Variants in ADCY2 observed in about 807,000 individuals in gnomAD.
ADCY2 encodes the protein adenylate cyclase 2, also known as adenylate cyclase type 2.
Under a neutral mutation model 125.2 loss-of-function variants are expected in ADCY2, and 31 were observed. The ratio of observed to expected loss-of-function variants is 0.25; its 90% CI spans 0.19 to 0.33. The LOEUF (loss-of-function observed/expected upper bound fraction) is 0.33. ADCY2 is among the 10% of genes least tolerant of loss of function. ADCY2 has a pLI of 1.00. For missense variants in ADCY2, 904 were observed against 1,418.2 expected (o/e 0.64, Z 5.82); for synonymous variants, 512 against 548.4 (o/e 0.93, Z 0.93).
intron 18 of ADCY2, among the ~76,000 whole-genome samples, chr5:7,783,155 T>C (rs1412814050): frequency 6.6e-6 from 1 of 152,218 alleles, no homozygotes. Flanking sequence ...TGAGTCTTTC[T>C]TTCTGTTAAT....
chr5:7,533,468 T>G lies in ADCY2; in HGVS notation c.570+12569T>G, dbSNP rs552922563. ...ATTTATTATTTTTATTGTTTTACCA[T>G]TTTTATCTTGATTTTTTAATTAATG... On this transcript the variant is annotated intron_variant, in intron 3 of 24. Transcript: ENST00000338316. 5.9e-5 allele frequency among the ~76,000 whole-genome samples: 9 copies of G among 152,252 alleles called. No individual in the cohort carries two copies. In the South Asian group the frequency reaches 1.7e-3, roughly 28 times the overall value.
chr5:7,621,827 G>A (rs1450906932), intron 3 of ADCY2, among the ~76,000 whole-genome samples: 1 of 152,168 alleles, frequency 6.6e-6, no homozygotes, highest in Non-Finnish European at 1.5e-5. Context: ...ATCAAGAGAT[G>A]ATGGGGTGCA....
chr5:7,734,731 C>T (rs946874231), intron 14 of ADCY2, among the ~76,000 whole-genome samples: 5 of 152,174 alleles, frequency 3.3e-5, no homozygotes, highest in African/African-American at 9.7e-5. Flanking sequence ...CTTTGTCTCA[C>T]AGTATTTGTT....
chr5:7,563,763 A>G (rs1735802906), intron 3 of ADCY2, among the ~76,000 whole-genome samples: 2 of 152,162 alleles, frequency 1.3e-5, no homozygotes, highest in African/African-American at 4.8e-5. Flanking sequence ...TTTACTTTCT[A>G]TCTTAAAACG....
At chr5:7,741,473 A>G (rs2126427334) in intron 14 of ADCY2, among the ~76,000 whole-genome samples, 1 of 148,148 alleles carries the variant, frequency 6.8e-6, no homozygotes, top group Non-Finnish European at 1.5e-5. Context: ...CATAGTGAAT[A>G]CTCTATAGAT....
At chr5:7,806,106 T>C (rs969717264) in intron 22 of ADCY2, among the ~76,000 whole-genome samples, 1 of 152,224 alleles carries the variant, frequency 6.6e-6, no homozygotes, top group Admixed American at 6.5e-5. Flanking sequence ...AGATTTTTAA[T>C]GGTTAGGGTT....
intron 3 of ADCY2, among the ~76,000 whole-genome samples, chr5:7,600,314 G>A (rs1737156609): frequency 6.6e-6 from 1 of 152,208 alleles, no homozygotes; most frequent in Non-Finnish European, 1.5e-5. Context: ...GAAGGGTGTT[G>A]GGTCAAGGTG....
chr5:7,400,589 TG>T (rs1013671537), intron 1 of ADCY2, among the ~76,000 whole-genome samples: 1 of 152,176 alleles, frequency 6.6e-6, no homozygotes, highest in Non-Finnish European at 1.5e-5. Context: ...CCTCCTTCCT[TG>T]GGGGTTGAAG....
chr5:7,709,380 G>C lies in ADCY2; in HGVS notation c.1571G>C (p.Ser524Thr), dbSNP rs1429064711. 1 of 1,596,980 alleles carries C rather than the reference G, an allele frequency of 6.3e-7. No individual in the cohort carries two copies. Among genetic ancestry groups the C allele is most frequent in the Non-Finnish European group, 8.5e-7 (1 of 1,171,946 alleles). The change falls in exon 10 of 25, where the codon AGC becomes ACC. Residue 524 changes from serine (S) to threonine (T), a missense_variant. By Grantham distance (58) the Ser-to-Thr change is moderately conservative. This residue lies in a region of ADCY2 where 144 missense variants were observed against 227.7 expected (regional missense o/e 0.63). Coordinates refer to ENST00000338316, the MANE Select transcript of ADCY2 (RefSeq NM_020546.3). This position sits in a 1 kb window ranked among gnomAD's most constrained non-coding sequence, Gnocchi z 4.4. ...ATGACCACAGAGAACGGCAAGATCAGCACCACGGTATGCCCTCCCCTGCCT... is the reference window on the plus strand; with the variant it reads ...ATGACCACAGAGAACGGCAAGATCACCACCACGGTATGCCCTCCCCTGCCT... ...DSMTTENGKI[S>T]TTDVPMGQHN...
At chr5:7,766,254 C>T (rs1743373727) in intron 16 of ADCY2, among the ~76,000 whole-genome samples, 1 of 152,062 alleles carries the variant, frequency 6.6e-6, no homozygotes, top group Non-Finnish European at 1.5e-5. Flanking sequence ...ATCAAAAATT[C>T]ATAGGACTGT....
At chr5:7,443,592 A>G (rs1741095153) in intron 2 of ADCY2, among the ~76,000 whole-genome samples, 1 of 134,626 alleles carries the variant, frequency 7.4e-6, no homozygotes. Context: ...GTGAGCCGAG[A>G]TCACGCCACT....
At chr5:7,471,323 G>T (rs182565800) in intron 2 of ADCY2, among the ~76,000 whole-genome samples, 4 of 151,760 alleles carry the variant, frequency 2.6e-5, no homozygotes, top group Admixed American at 2.6e-4. Context: ...TGTTCGTTTG[G>T]CATTTAAAAG....
intron 2 of ADCY2, among the ~76,000 whole-genome samples, chr5:7,466,756 G>A (rs2126449106): frequency 6.6e-6 from 1 of 152,192 alleles, no homozygotes; most frequent in East Asian, 1.9e-4. Context: ...AATTGAATCA[G>A]GGCCAACTGT....
intron 2 of ADCY2, among the ~76,000 whole-genome samples, chr5:7,512,245 A>T (rs1744095921): frequency 6.6e-6 from 1 of 150,698 alleles, no homozygotes; most frequent in East Asian, 1.9e-4. Context: ...AAAAAAGAAA[A>T]CCATCAGAGG....
chr5:7,599,247 GT>G (rs969168897), intron 3 of ADCY2, among the ~76,000 whole-genome samples: 5 of 152,170 alleles, frequency 3.3e-5, no homozygotes, highest in African/African-American at 1.2e-4. Flanking sequence ...GGCAGTACGA[GT>G]TTTTTTGTGA....
chr5:7,633,262 C>A (rs968499632), intron 4 of ADCY2, among the ~76,000 whole-genome samples: 4 of 151,784 alleles, frequency 2.6e-5, no homozygotes, highest in Non-Finnish European at 5.9e-5. Context: ...AAAACCCTGT[C>A]TCTACTAAAA....
At chr5:7,816,142 A>G (rs1479511822) in intron 22 of ADCY2, among the ~76,000 whole-genome samples, 1 of 152,216 alleles carries the variant, frequency 6.6e-6, no homozygotes, top group Non-Finnish European at 1.5e-5. Flanking sequence ...ATATCCTGAG[A>G]GACTGGGGTT....
chr5:7,668,540 A>T (rs1739832010), intron 4 of ADCY2, among the ~76,000 whole-genome samples: 1 of 152,382 alleles, frequency 6.6e-6, no homozygotes, highest in Non-Finnish European at 1.5e-5. Flanking sequence ...AAATCAGAAG[A>T]ATAACATGGA....
At chr5:7,647,682 G>A (rs753531972) in intron 4 of ADCY2, among the ~76,000 whole-genome samples, 1 of 152,186 alleles carries the variant, frequency 6.6e-6, no homozygotes, top group Non-Finnish European at 1.5e-5. Flanking sequence ...TACTGAGAAT[G>A]AAGGTTATAA....
Sources: gnomAD v4.1 joint callset for allele counts (sites outside exome capture counted in the v4.1 genomes callset) on GRCh38, gnomAD v4.1.1 for gene constraint, gnomAD v4.1.1 regional missense constraint, Gnocchi (gnomAD v3.1) non-coding constraint, MANE v1.5 for transcripts, NCBI Gene and HGNC (gene_info 2026-07-23, HGNC 2026-07-21) for gene names.